B3GNT7: variants seen among roughly 807,000 people sequenced by gnomAD.
The protein encoded by B3GNT7 is BGnT-7.
In B3GNT7, 9 loss-of-function variants were observed where a neutral mutation model predicts 5.1. That is an observed-to-expected ratio of 1.77 (90% confidence interval 1.07 to 3.09). The LOEUF is 3.09. Among genes scored for constraint, B3GNT7 ranks in the 30% most tolerant of loss-of-function variants. The probability of loss-of-function intolerance (pLI) is 0.00; values close to 1 mark genes in which losing one functional copy is unlikely to be tolerated. For missense variants in B3GNT7, 468 were observed against 550.8 expected (o/e 0.85, Z 1.50); for synonymous variants, 253 against 248.6 (o/e 1.02, Z -0.17).
chr2:231,399,423 G>GA lies in B3GNT7; in HGVS notation c.*498_*499insA. ...TGTGCGGGCTCACAGGCACCCCCCA[G>GA]TCCACACCCTGGTCTCCTGGGAGAG... On this transcript the variant is annotated 3_prime_UTR_variant, in exon 2 of 2. Transcript: ENST00000287590. 1 of 156,534 alleles carries GA rather than the reference G, an allele frequency of 6.4e-6. No individual in the cohort carries two copies. The highest frequency in any genetic ancestry group is 1.4e-5 in the Non-Finnish European group (1 of 70,830). The allele number at this position is 156,534 out of a possible 1,614,324, so 9.7% of individuals were successfully genotyped here.
Position 231,398,259 on chromosome 2 carries a change from C to T in B3GNT7, c.540C>T (p.Ala180=), listed in dbSNP as rs2046533616. 1 of 1,612,438 alleles carries T rather than the reference C, an allele frequency of 6.2e-7. No individual in the cohort carries two copies. The highest frequency in any genetic ancestry group is 8.5e-7 in the Non-Finnish European group (1 of 1,179,602). ...AVRTLFLLGT[A]SKQEERTHYQ... ...GCACCCTCTTCCTGCTGGGCACGGCCTCCAAGCAGGAGGAGCGCACGCACT... is the reference window on the plus strand; with the variant it reads ...GCACCCTCTTCCTGCTGGGCACGGCTTCCAAGCAGGAGGAGCGCACGCACT... Residue 180 remains alanine, a synonymous_variant, in exon 2 of 2, where the codon GCC becomes GCT. Coordinates refer to ENST00000287590, the MANE Select transcript of B3GNT7 (RefSeq NM_145236.3).
chr2:231,398,638 G>A lies in B3GNT7; in HGVS notation c.919G>A (p.Gly307Ser), dbSNP rs745668615. Residue 307 changes from glycine to serine, a missense_variant, in exon 2 of 2, where the codon GGC becomes AGC. Physicochemically the swap from Gly to Ser is moderately conservative, Grantham distance 56 (BLOSUM62 0). Coordinates refer to ENST00000287590, the MANE Select transcript of B3GNT7 (RefSeq NM_145236.3). Reference protein sequence around the residue: ...YAGGGGFLMAGSLARRLHHAC... With the variant: ...YAGGGGFLMASSLARRLHHAC... Reference sequence around the variant, plus strand: ...AGGCGGCGGTGGCTTCCTCATGGCCGGCAGCCTGGCCCGGCGCCTGCACCA... The same window carrying A: ...AGGCGGCGGTGGCTTCCTCATGGCCAGCAGCCTGGCCCGGCGCCTGCACCA... 1.2e-6 allele frequency: 2 copies of A among 1,612,016 alleles called. No homozygotes were observed. Among genetic ancestry groups the A allele is most frequent in the Non-Finnish European group, 8.5e-7 (1 of 1,179,592 alleles).
At position 231,398,417 on chromosome 2, in the gene B3GNT7, T is replaced by TC; in HGVS notation, c.702dup (p.Phe235LeufsTer8). On this transcript the variant is annotated frameshift_variant, in exon 2 of 2. Transcript: ENST00000287590. LOFTEE classifies it low-confidence loss of function (END_TRUNC). The stretch of plus-strand genomic sequence containing the variant: ...TGGCTGGACATCTACTGCCCCCACG[T>TC]CCCCTTCATTTTCAAAGGCGACGAT... 6.2e-7 allele frequency: 1 copy of TC among 1,613,582 alleles called. No homozygotes were observed. The highest frequency in any genetic ancestry group is 8.5e-7 in the Non-Finnish European group (1 of 1,179,832).
In B3GNT7 at chr2:231,400,722, GACC is replaced by G. The variant is rs1372154996; in HGVS notation, c.*1803_*1805del. The stretch of plus-strand genomic sequence containing the variant: ...GGACAGCGCTACTGCTATGGAATGA[GACC>G]ACCACTTCTCCTGTTGTCCTTCCCA... On this transcript the variant is annotated 3_prime_UTR_variant, in exon 2 of 2. Coordinates refer to ENST00000287590, the MANE Select transcript of B3GNT7 (RefSeq NM_145236.3). 2 of 152,372 alleles carry G rather than the reference GACC, an allele frequency of 1.3e-5. No individual in the cohort carries two copies. The highest frequency in any genetic ancestry group is 2.1e-4 in the South Asian group (1 of 4,822). 9.4% of individuals were successfully genotyped at this position (152,372 alleles called of 1,614,324 possible). A position where few individuals can be genotyped will look rare whatever the true frequency, so the allele number is the denominator to read the frequency against.
rs2046558369 is a variant in B3GNT7 at position 231,400,974 on chromosome 2, C to T, written c.*2049C>T. ...GAGAAAGCACCGTAAAACTTTTTGT[C>T]CTATTAGCTGATGTGTGTAGCCCCC... is the stretch of plus-strand genomic sequence containing the variant. On this transcript the variant is annotated 3_prime_UTR_variant, in exon 2 of 2. Transcript: ENST00000287590. The T allele has an allele frequency of 6.6e-6, 1 of 152,152 alleles. No homozygotes were observed. The highest frequency in any genetic ancestry group is 2.4e-5 in the African/African-American group (1 of 41,418). 9.4% of individuals were successfully genotyped at this position (152,152 alleles called of 1,614,324 possible).
chr2:231,398,467 C>G lies in B3GNT7; in HGVS notation c.748C>G (p.Leu250Val). The G allele has an allele frequency of 1.2e-6, 2 of 1,613,750 alleles. No homozygotes were observed. The highest frequency in any genetic ancestry group is 1.7e-5 in the Admixed American group (1 of 60,028). ...DDDVFVNPTNLLEFLADRQPQ... is the reference protein window; with the variant it reads ...DDDVFVNPTNVLEFLADRQPQ... ...TGACGTCTTCGTCAACCCCACCAAC[C>G]TGCTAGAATTTCTGGCTGACCGGCA... is the stretch of plus-strand genomic sequence containing the variant. The change falls in exon 2 of 2, where the codon CTG becomes GTG. Residue 250 changes from leucine to valine, a missense_variant. Physicochemically the swap from Leu to Val is conservative, Grantham distance 32 (BLOSUM62 1). Transcript: ENST00000287590.
At position 231,395,856 on chromosome 2, in the gene B3GNT7, TG is replaced by T. The variant is rs1474803618; in HGVS notation, c.11+45del. 6.2e-6 allele frequency: 7 copies of T among 1,124,466 alleles called. No homozygotes were observed. The highest frequency in any genetic ancestry group is 7.7e-6 in the Non-Finnish European group (7 of 911,586). The allele number at this position is 1,124,466 out of a possible 1,614,324, so 69.7% of individuals were successfully genotyped here. ...GCCGTCGGGGGCCTGGGCGGGGGCG[TG>T]GGCCCGGGGCTCCCCCTCCTCCGTG... On this transcript the variant is annotated intron_variant, in intron 1 of 1. Transcript: ENST00000287590. The surrounding 1 kb of genome is among the most constrained non-coding windows in gnomAD (Gnocchi z 7.3).
intron 1 of B3GNT7, 46 bp from the exon 2 acceptor site, chr2:231,397,685 G>A (rs1366329455): frequency 6.6e-7 from 1 of 1,517,290 alleles, no homozygotes; most frequent in Admixed American, 2.1e-5. Context: ...GAGAGCCCTG[G>A]GCTCATCTTT....
At position 231,398,801 on chromosome 2, in the gene B3GNT7, A is replaced by T. The variant is rs775762806; in HGVS notation, c.1082A>T (p.Asn361Ile). 1 of 1,606,116 alleles carries T rather than the reference A, an allele frequency of 6.2e-7. No individual in the cohort carries two copies. Among genetic ancestry groups the T allele is most frequent in the Non-Finnish European group, 8.5e-7 (1 of 1,179,830 alleles). ...GISRNRNSRM[N>I]KEPCFFRAML... ...TCCCGGAACCGCAACAGCCGCATGA[A>T]CAAGGAGCCGTGCTTTTTCCGCGCC... Residue 361 changes from asparagine (N) to isoleucine (I), a missense_variant, in exon 2 of 2, where the codon AAC becomes ATC. Physicochemically the swap from Asn to Ile is moderately radical, Grantham distance 149. Coordinates refer to ENST00000287590, the MANE Select transcript of B3GNT7 (RefSeq NM_145236.3).
At chr2:231,396,271 G>C (rs1422533421) in intron 1 of B3GNT7, among the ~76,000 whole-genome samples, 1 of 152,134 alleles carries the variant, frequency 6.6e-6, no homozygotes, top group Non-Finnish European at 1.5e-5. Context: ...CCTACGAATG[G>C]AGCGGACCCG....
intron 1 of B3GNT7, chr2:231,397,351 C>T: frequency 2.8e-6 from 2 of 721,076 alleles, no homozygotes; most frequent in Non-Finnish European, 3.4e-6. Flanking sequence ...CCACCTGAGG[C>T]CCTCCTGTTA....
chr2:231,397,657 T>C, intron 1 of B3GNT7, 74 bp from the exon 2 acceptor site: 1 of 1,415,852 alleles, frequency 7.1e-7, no homozygotes, highest in Non-Finnish European at 9.5e-7. Context: ...CCACCCAGCC[T>C]CCCAAGGGGG....
chr2:231,397,624 C>G, intron 1 of B3GNT7, 107 bp from the exon 2 acceptor site: 1 of 1,054,460 alleles, frequency 9.5e-7, no homozygotes, highest in Non-Finnish European at 1.3e-6. Flanking sequence ...AGCCTGTGCC[C>G]AGGTCCACTT....
chr2:231,397,249 T>A, intron 1 of B3GNT7: 3 of 986,830 alleles, frequency 3.0e-6, no homozygotes, highest in South Asian at 9.4e-5. Flanking sequence ...CTGAGTCACC[T>A]AATGATACCG....
In B3GNT7 at chr2:231,395,965, G is replaced by A. The variant is rs2046509901; in HGVS notation, c.11+151G>A. 6.7e-6 allele frequency among the ~76,000 whole-genome samples: 1 copy of A among 149,414 alleles called. No individual in the cohort carries two copies. The highest frequency in any genetic ancestry group is 1.5e-5 in the Non-Finnish European group (1 of 67,812). On this transcript the variant is annotated intron_variant, in intron 1 of 1. Coordinates refer to ENST00000287590, the MANE Select transcript of B3GNT7 (RefSeq NM_145236.3). This position sits in a 1 kb window ranked among gnomAD's most constrained non-coding sequence, Gnocchi z 7.3. ...GGCCTCAGTTTCCCGGGGGCGGATG[G>A]GCGGGCGGGCGCGGCGGCGGCGGCG...
Position 231,399,434 on chromosome 2 carries a change from G to C in B3GNT7, c.*509G>C, listed in dbSNP as rs1403799411. 1.3e-5 allele frequency: 2 copies of C among 155,790 alleles called. No individual in the cohort carries two copies. Among genetic ancestry groups the C allele is most frequent in the Non-Finnish European group, 2.8e-5 (2 of 70,438 alleles). 9.7% of individuals were successfully genotyped at this position (155,790 alleles called of 1,614,324 possible). On this transcript the variant is annotated 3_prime_UTR_variant, in exon 2 of 2. Coordinates refer to ENST00000287590, the MANE Select transcript of B3GNT7 (RefSeq NM_145236.3). ...ACAGGCACCCCCCAGTCCACACCCT[G>C]GTCTCCTGGGAGAGAGGGCCCAGCC...
At chr2:231,396,790 G>A (rs2046519098) in intron 1 of B3GNT7, among the ~76,000 whole-genome samples, 2 of 152,200 alleles carry the variant, frequency 1.3e-5, no homozygotes, top group Admixed American at 6.5e-5. Context: ...AAGAGAGGAG[G>A]TCCTTCAGGA....
At chr2:231,397,308 G>A in intron 1 of B3GNT7, 1 of 979,684 alleles carries the variant, frequency 1.0e-6, no homozygotes, top group South Asian at 4.7e-5. Flanking sequence ...AAAGGCATTG[G>A]GGTTCCAGGC....
At position 231,400,120 on chromosome 2, in the gene B3GNT7, T is replaced by G. The variant is rs1420644791; in HGVS notation, c.*1195T>G. The G allele has an allele frequency of 1.4e-5, 2 of 147,414 alleles. No homozygotes were observed. Among genetic ancestry groups the G allele is most frequent in the East Asian group, 3.9e-4 (2 of 5,130 alleles). 9.1% of individuals were successfully genotyped at this position (147,414 alleles called of 1,614,324 possible). ...CTTTTTTTTTTTTTTTTTTTTTTTTTTGGTGTGAAACTTCCTGTTCCCAGC... is the reference window on the plus strand; with the variant it reads ...CTTTTTTTTTTTTTTTTTTTTTTTTGTGGTGTGAAACTTCCTGTTCCCAGC... On this transcript the variant is annotated 3_prime_UTR_variant, in exon 2 of 2. Coordinates refer to ENST00000287590, the MANE Select transcript of B3GNT7 (RefSeq NM_145236.3).
Sources: allele counts gnomAD v4.1 joint callset (sites outside exome capture counted in the v4.1 genomes callset), GRCh38; gene constraint gnomAD v4.1.1; non-coding constraint Gnocchi (gnomAD v3.1); transcripts MANE v1.5; gene names NCBI Gene and HGNC (gene_info 2026-07-23, HGNC 2026-07-21).